Variants in DISC1 observed in about 807,000 individuals in gnomAD.
DISC1 encodes disrupted in schizophrenia 1 protein.
Under a neutral mutation model 84.5 loss-of-function variants are expected in DISC1, and 57 were observed. The ratio of observed to expected loss-of-function variants is 0.67; its 90% confidence interval spans 0.55 to 0.84. The LOEUF (loss-of-function observed/expected upper bound fraction) is 0.84. Among genes scored for constraint, DISC1 ranks in the 40% least tolerant of loss-of-function variants. DISC1 has a pLI of 0.00. For missense variants in DISC1, 1,000 were observed against 1,057.8 expected, an observed-to-expected ratio of 0.95 and a Z score of 0.76; for synonymous variants, 411 against 415.2, an observed-to-expected ratio of 0.99 and a Z score of 0.12.
chr1:231,856,180 G>T (rs1266972316), intron 9 of DISC1, among the ~76,000 whole-genome samples: 2 of 152,196 alleles, frequency 1.3e-5, no homozygotes, highest in African/African-American at 4.8e-5. Context: ...CTCTCGGTTG[G>T]ATTGCAGATT....
At chr1:232,016,415 T>G (rs1036238817) in intron 11 of DISC1, among the ~76,000 whole-genome samples, 6 of 152,190 alleles carry the variant, frequency 3.9e-5, no homozygotes, top group Non-Finnish European at 8.8e-5. Flanking sequence ...ATCCTTTTAT[T>G]AAAGGGACTG....
At chr1:231,743,834 C>T (rs886604687) in intron 3 of DISC1, among the ~76,000 whole-genome samples, 16 of 152,170 alleles carry the variant, frequency 1.1e-4, no homozygotes, top group African/African-American at 3.9e-4. Flanking sequence ...CTATAGGTTT[C>T]AATGCATATG....
chr1:231,653,803 T>C (rs1234013286), intron 1 of DISC1, among the ~76,000 whole-genome samples: 1 of 152,172 alleles, frequency 6.6e-6, no homozygotes, highest in Admixed American at 6.5e-5. Context: ...ATGAGGATCC[T>C]TGTGGTTTGA....
At chr1:231,710,795 A>G (rs2067718453) in intron 3 of DISC1, among the ~76,000 whole-genome samples, 1 of 152,040 alleles carries the variant, frequency 6.6e-6, no homozygotes, top group Admixed American at 6.5e-5. Context: ...AACTGAATGG[A>G]CCTCTTTAAA....
intron 8 of DISC1, among the ~76,000 whole-genome samples, chr1:231,800,517 T>C (rs1357950473): frequency 6.6e-6 from 1 of 152,126 alleles, no homozygotes; most frequent in Admixed American, 6.6e-5. Flanking sequence ...ATGAGGATTA[T>C]TGGGTGTGAT....
At chr1:231,934,451 A>G (rs1352056342) in intron 9 of DISC1, among the ~76,000 whole-genome samples, 1 of 152,214 alleles carries the variant, frequency 6.6e-6, no homozygotes, top group Non-Finnish European at 1.5e-5. Flanking sequence ...CTGCTCTTAA[A>G]TGGTCCGTGC....
At chr1:231,934,350 G>A (rs80205840) in intron 9 of DISC1, among the ~76,000 whole-genome samples, 6 of 152,180 alleles carry the variant, frequency 3.9e-5, no homozygotes, top group African/African-American at 1.4e-4. Context: ...TATCTTATGG[G>A]AATAGTTACT....
At chr1:231,723,156 C>T (rs900879394) in intron 3 of DISC1, 3 of 890,182 alleles carry the variant, frequency 3.4e-6, no homozygotes, top group Admixed American at 1.1e-4. Flanking sequence ...GTCGGCCCTC[C>T]ATATCTGCAG....
intron 9 of DISC1, among the ~76,000 whole-genome samples, chr1:231,838,214 T>C (rs1018103848): frequency 3.3e-5 from 5 of 152,230 alleles, no homozygotes; most frequent in Non-Finnish European, 7.3e-5. Flanking sequence ...GAATTTAACA[T>C]ATATTCATGG....
chr1:231,692,255 C>T (rs1220339752), intron 1 of DISC1, among the ~76,000 whole-genome samples: 1 of 152,234 alleles, frequency 6.6e-6, no homozygotes, highest in East Asian at 1.9e-4. Flanking sequence ...ACCACCACCT[C>T]ATGGTCCCTG....
intron 9 of DISC1, among the ~76,000 whole-genome samples, chr1:231,955,328 C>G (rs1301588448): frequency 6.6e-6 from 1 of 152,170 alleles, no homozygotes; most frequent in Non-Finnish European, 1.5e-5. Context: ...CACTTGACAT[C>G]TCCACTGAAT....
At chr1:231,683,517 C>T (rs1572836315) in intron 1 of DISC1, among the ~76,000 whole-genome samples, 1 of 148,498 alleles carries the variant, frequency 6.7e-6, no homozygotes, top group African/African-American at 2.5e-5. Context: ...CCTTGCCTTC[C>T]CGGGATCAAG....
chr1:231,937,782 T>A (rs1219416472), intron 9 of DISC1, among the ~76,000 whole-genome samples: 1 of 151,600 alleles, frequency 6.6e-6, no homozygotes, highest in Non-Finnish European at 1.5e-5. Context: ...GGAAATGACC[T>A]GAAAGAGGGA....
intron 9 of DISC1, among the ~76,000 whole-genome samples, chr1:231,932,206 G>A (rs1218382191): frequency 6.6e-6 from 1 of 152,168 alleles, no homozygotes; most frequent in Admixed American, 6.5e-5. Context: ...TGAGTCTCTT[G>A]TCTTTTCTTA....
intron 2 of DISC1, among the ~76,000 whole-genome samples, chr1:231,699,019 C>T (rs1404981956): frequency 3.3e-5 from 5 of 152,150 alleles, no homozygotes; most frequent in Non-Finnish European, 5.9e-5. Flanking sequence ...CTCAACACAA[C>T]AAAATTGTGT....
intron 9 of DISC1, among the ~76,000 whole-genome samples, chr1:231,825,962 G>A (rs2081834982): frequency 6.6e-6 from 1 of 152,206 alleles, no homozygotes; most frequent in African/African-American, 2.4e-5. Flanking sequence ...GCACAGATGA[G>A]CTACAGCTAT....
chr1:231,799,026 GAA>G (rs1408615361), intron 7 of DISC1, among the ~76,000 whole-genome samples: 2 of 152,116 alleles, frequency 1.3e-5, no homozygotes, highest in Non-Finnish European at 2.9e-5. Flanking sequence ...ATTGGCATAT[GAA>G]AAGTCTTGAG....
chr1:231,950,404 T>A (rs1367796004), intron 9 of DISC1, among the ~76,000 whole-genome samples: 2 of 152,194 alleles, frequency 1.3e-5, no homozygotes, highest in Non-Finnish European at 2.9e-5. Context: ...TTCAGTTATA[T>A]GCGCCAGAAA....
chr1:231,941,476 A>G (rs995183263), intron 9 of DISC1, among the ~76,000 whole-genome samples: 2 of 144,490 alleles, frequency 1.4e-5, no homozygotes, highest in African/African-American at 5.1e-5. Flanking sequence ...TGAAACTTCA[A>G]TTTTTTTTTT....
Sources: allele counts gnomAD v4.1 joint callset (sites outside exome capture counted in the v4.1 genomes callset), GRCh38; gene constraint gnomAD v4.1.1; transcripts MANE v1.5; gene names NCBI Gene and HGNC (gene_info 2026-07-23, HGNC 2026-07-21).